The following PAM variants were observed in gnomAD, a reference collection of about 807,000 sequenced individuals.
PAM encodes the protein peptidylglycine alpha-amidating monooxygenase.
PAM carries 72 observed loss-of-function variants against 122.1 expected under a neutral mutation model. The observed-to-expected ratio is 0.59, with a 90% CI of 0.49 to 0.72. The LOEUF is 0.72. Among genes scored for constraint, PAM ranks in the 30% least tolerant of loss-of-function variants. The probability of loss-of-function intolerance (pLI) is 0.00; values close to 1 mark genes in which losing one functional copy is unlikely to be tolerated. For synonymous variants in PAM, 389 were observed against 404.4 expected (o/e 0.96, Z 0.46); for missense variants, 1,106 against 1,183.7 (o/e 0.93, Z 0.96).
At chr5:102,955,678 A>G (rs1266922914) in intron 12 of PAM, among the ~76,000 whole-genome samples, 2 of 152,076 alleles carry the variant, frequency 1.3e-5, no homozygotes, top group Non-Finnish European at 2.9e-5. Context: ...GCCAGCAGTC[A>G]TCATTTTAAG....
At chr5:102,850,545 C>A (rs775370710) in intron 1 of PAM, among the ~76,000 whole-genome samples, 26 of 152,190 alleles carry the variant, frequency 1.7e-4, no homozygotes, top group South Asian at 2.1e-4. Context: ...TTAGAAGAGC[C>A]TCCCTGTGAG....
chr5:103,028,420 C>T (rs1328787499), intron 25 of PAM, among the ~76,000 whole-genome samples, 182 bp downstream of exon 25: 1 of 152,190 alleles, frequency 6.6e-6, no homozygotes, highest in Admixed American at 6.6e-5. Context: ...GTGCATGGGT[C>T]TGGCAGCAGA....
intron 15 of PAM, among the ~76,000 whole-genome samples, chr5:102,988,846 T>C (rs1372017210): frequency 6.6e-6 from 1 of 152,178 alleles, no homozygotes; most frequent in Non-Finnish European, 1.5e-5. Context: ...TAAAATATTT[T>C]GGGTGAAAAG....
At chr5:102,763,322 C>T (rs535711982) in intron 1 of PAM, among the ~76,000 whole-genome samples, 66 of 152,240 alleles carry the variant, frequency 4.3e-4, no homozygotes, top group African/African-American at 1.5e-3. Context: ...TGACAGTGAC[C>T]TCTAGCTCTT....
intron 15 of PAM, among the ~76,000 whole-genome samples, chr5:102,981,664 A>G (rs188656531): frequency 6.6e-6 from 1 of 152,362 alleles, no homozygotes; most frequent in Admixed American, 6.5e-5. Context: ...TAGTTGTAGC[A>G]GTTCTGAGCT....
intron 3 of PAM, among the ~76,000 whole-genome samples, chr5:102,892,496 A>T (rs535550356): frequency 2.8e-4 from 43 of 151,934 alleles, no homozygotes; most frequent in African/African-American, 9.4e-4. Flanking sequence ...CTTACATGTG[A>T]CTGAGATGCC....
intron 1 of PAM, among the ~76,000 whole-genome samples, chr5:102,820,258 A>C (rs1771382709): frequency 6.7e-6 from 1 of 150,366 alleles, no homozygotes; most frequent in Admixed American, 6.6e-5. Context: ...GTTGTTAGAG[A>C]TGATTTCAAA....
chr5:102,763,243 G>A (rs1358013107), intron 1 of PAM, among the ~76,000 whole-genome samples: 1 of 152,138 alleles, frequency 6.6e-6, no homozygotes, highest in Non-Finnish European at 1.5e-5. Context: ...TCCTATTATA[G>A]ATTTTCACTA....
intron 1 of PAM, among the ~76,000 whole-genome samples, chr5:102,846,089 G>A (rs1023571032): frequency 2.0e-5 from 3 of 152,178 alleles, no homozygotes; most frequent in Non-Finnish European, 4.4e-5. Flanking sequence ...TTAGAAGCAA[G>A]TTGATGCTTT....
At chr5:102,807,421 T>G (rs1275740874) in intron 1 of PAM, among the ~76,000 whole-genome samples, 1 of 152,038 alleles carries the variant, frequency 6.6e-6, no homozygotes, top group Non-Finnish European at 1.5e-5. Flanking sequence ...TTATGTGTAG[T>G]TTGGAGGATT....
chr5:102,980,502 A>C (rs890927344), intron 15 of PAM, among the ~76,000 whole-genome samples: 3 of 152,164 alleles, frequency 2.0e-5, no homozygotes, highest in Non-Finnish European at 4.4e-5. Context: ...AAATGAAGAC[A>C]GTTATGTGGA....
intron 22 of PAM, among the ~76,000 whole-genome samples, chr5:103,017,799 T>G (rs1782462080): frequency 1.3e-5 from 2 of 152,232 alleles, no homozygotes; most frequent in African/African-American, 4.8e-5. Flanking sequence ...CAGTAGCTGC[T>G]GAGCATCTAG....
At chr5:102,935,105 G>GA (rs1554126581) in intron 7 of PAM, among the ~76,000 whole-genome samples, 1 of 151,718 alleles carries the variant, frequency 6.6e-6, no homozygotes, top group Non-Finnish European at 1.5e-5. Flanking sequence ...CCCTACTATT[G>GA]AAAAAAATTG....
intron 3 of PAM, among the ~76,000 whole-genome samples, chr5:102,893,274 C>G (rs758830675): frequency 8.6e-5 from 13 of 151,702 alleles, no homozygotes; most frequent in Non-Finnish European, 1.5e-4. Context: ...AAATTAACCT[C>G]CATTTGGCCA....
chr5:102,799,044 GTGTT>G (rs911364680), intron 1 of PAM, among the ~76,000 whole-genome samples: 1 of 152,194 alleles, frequency 6.6e-6, no homozygotes, highest in Non-Finnish European at 1.5e-5. Context: ...GAAAATGTGT[GTGTT>G]TGTTTTTAAA....
intron 3 of PAM, among the ~76,000 whole-genome samples, chr5:102,882,936 G>A (rs980845568): frequency 4.6e-5 from 7 of 151,808 alleles, no homozygotes; most frequent in Admixed American, 2.6e-4. Context: ...TCTTCTACAT[G>A]TAGCTTGCTA....
rs141595612 is a variant in PAM, at chr5:102,930,207, G to T, written c.526+3539G>T. Among the ~76,000 whole-genome samples the T allele has an allele frequency of 6.6e-3, 999 of 152,262 alleles. 8 individuals are homozygous for T. The highest frequency in any genetic ancestry group is 0.014 in the Admixed American group (216 of 15,280). ...AGTGTCAAGCCTATACTAGTGCTGG[G>T]TATACTAGTCTTCCTGCCTGTAGGA... On this transcript the variant is annotated intron_variant, in intron 7 of 25. Transcript: ENST00000438793.
intron 7 of PAM, among the ~76,000 whole-genome samples, chr5:102,937,187 G>C (rs2151859402): frequency 6.6e-6 from 1 of 152,230 alleles, no homozygotes; most frequent in Middle Eastern, 3.4e-3. Flanking sequence ...GACATTCTCA[G>C]AGATCCCCCT....
intron 19 of PAM, 114 bp downstream of exon 19, chr5:103,007,125 T>C: frequency 1.3e-6 from 1 of 765,100 alleles, no homozygotes; most frequent in South Asian, 1.8e-5. Flanking sequence ...ACAGGGTCAT[T>C]GTAACCTGGG....
Sources: allele counts gnomAD v4.1 joint callset (sites outside exome capture counted in the v4.1 genomes callset), GRCh38; gene constraint gnomAD v4.1.1; transcripts MANE v1.5; gene names NCBI Gene and HGNC (gene_info 2026-07-23, HGNC 2026-07-21).